Variants in CYP2C18 observed in about 807,000 individuals in gnomAD.
CYP2C18 encodes the protein cytochrome P450 family 2 subfamily C member 18, also known as cytochrome P450 2C18.
A neutral mutation model predicts 41.3 loss-of-function variants in CYP2C18; 38 were observed. The ratio of observed to expected loss-of-function variants is 0.92; its 90% CI spans 0.71 to 1.21. CYP2C18 has a LOEUF of 1.21. Ranked by LOEUF, CYP2C18 falls within the 50% of genes most tolerant of loss-of-function variation. The pLI, the probability that CYP2C18 is intolerant of heterozygous loss-of-function variation, is 0.00. For missense variants in CYP2C18, 635 were observed against 591.4 expected, an observed-to-expected ratio of 1.07 and a Z score of -0.77; for synonymous variants, 236 against 210.0, an observed-to-expected ratio of 1.12 and a Z score of -1.07.
chr10:94,707,629 A>G (rs17110219), intron 5 of CYP2C18, among the ~76,000 whole-genome samples: 4,855 of 152,270 alleles, frequency 0.032, 124 homozygotes, highest in Middle Eastern at 0.13. Flanking sequence ...GTGTAGAAGG[A>G]TATGTACAAT....
intron 8 of CYP2C18, chr10:94,733,698 A>G (rs1462978726): frequency 1.6e-6 from 1 of 607,010 alleles, no homozygotes. Context: ...CTCTAGATAC[A>G]TCACTGAGCT....
chr10:94,694,430 T>C (rs566657627), intron 3 of CYP2C18, among the ~76,000 whole-genome samples: 5 of 152,292 alleles, frequency 3.3e-5, no homozygotes, highest in African/African-American at 1.2e-4. Flanking sequence ...CCATACCCTT[T>C]CTGTCTTTAG....
chr10:94,688,228 T>C lies in CYP2C18; in HGVS notation c.435T>C (p.Val145=). ...GMGKRSIEDR[V]QEEARCLVEE... ...GGAAGAGGAGCATCGAGGACCGTGT[T>C]CAAGAGGAAGCCCGCTGCCTTGTGG... is the stretch of plus-strand genomic sequence containing the variant. Residue 145 remains valine (V), a synonymous_variant, in exon 3 of 9, where the codon GTT becomes GTC. Transcript: ENST00000285979. The C allele has an allele frequency of 6.2e-7, 1 of 1,613,558 alleles. No homozygotes were observed. Among genetic ancestry groups the C allele is most frequent in the Non-Finnish European group, 8.5e-7 (1 of 1,179,696 alleles).
At chr10:94,690,916 A>G (rs1481158042) in intron 3 of CYP2C18, among the ~76,000 whole-genome samples, 3 of 152,218 alleles carry the variant, frequency 2.0e-5, no homozygotes, top group Non-Finnish European at 4.4e-5. Flanking sequence ...AGAACCAAAG[A>G]CAAAAACCAC....
At chr10:94,724,616 A>T in intron 7 of CYP2C18, 83 bp downstream of exon 7, 1 of 1,279,210 alleles carries the variant, frequency 7.8e-7, no homozygotes, top group Non-Finnish European at 1.1e-6. Context: ...CTAACAACAC[A>T]TGATGAGAGA....
chr10:94,712,352 C>T (rs972082234), intron 5 of CYP2C18, among the ~76,000 whole-genome samples: 7 of 152,020 alleles, frequency 4.6e-5, no homozygotes, highest in East Asian at 1.9e-4. Context: ...CCTTTCCCCC[C>T]GCCCCCAAGC....
Position 94,735,501 on chromosome 10 carries a change from G to A in CYP2C18, c.*57G>A. The A allele has an allele frequency of 1.9e-6, 3 of 1,552,686 alleles. No homozygotes were observed. Among genetic ancestry groups the A allele is most frequent in the East Asian group, 2.3e-5 (1 of 44,438 alleles). On this transcript the variant is annotated 3_prime_UTR_variant, in exon 9 of 9. Transcript: ENST00000285979. The stretch of plus-strand genomic sequence containing the variant: ...TGTCACCTGCAATTCTCCCTTATCA[G>A]GGCCATTGGCCTCTCCCTTCTCTCT...
intron 5 of CYP2C18, among the ~76,000 whole-genome samples, 185 bp from the exon 6 acceptor site, chr10:94,720,211 T>A (rs1847624417): frequency 6.6e-6 from 1 of 152,162 alleles, no homozygotes; most frequent in Non-Finnish European, 1.5e-5. Flanking sequence ...AATGGATAAG[T>A]AGGAATGGGA....
At chr10:94,697,004 T>C (rs1589795044) in intron 4 of CYP2C18, among the ~76,000 whole-genome samples, 1 of 152,334 alleles carries the variant, frequency 6.6e-6, no homozygotes, top group Middle Eastern at 3.4e-3. Flanking sequence ...CTATGTCTGA[T>C]TGGTGTACCT....
chr10:94,687,823 T>C lies in CYP2C18; in HGVS notation c.222T>C (p.Ile74=), dbSNP rs375505433. Residue 74 remains isoleucine (I), a synonymous_variant, in exon 2 of 9, where the codon ATT becomes ATC. Coordinates refer to ENST00000285979, the MANE Select transcript of CYP2C18 (RefSeq NM_000772.3). ...VFTVYFGLKP[I]VVLHGYEAVK... is the part of the protein sequence containing the mutation. ...CTGTGTATTTTGGCCTGAAGCCCAT[T>C]GTGGTGTTGCATGGATATGAAGCAG... The C allele has an allele frequency of 3.7e-6, 6 of 1,613,674 alleles. No homozygotes were observed. The highest frequency in any genetic ancestry group is 5.1e-6 in the Non-Finnish European group (6 of 1,179,768).
At position 94,688,240 on chromosome 10, in the gene CYP2C18, C is replaced by CCGCT; in HGVS notation, c.448_451dup (p.Cys151SerfsTer16). 6.2e-7 allele frequency: 1 copy of CCGCT among 1,613,128 alleles called. No individual in the cohort carries two copies. The highest frequency in any genetic ancestry group is 8.5e-7 in the Non-Finnish European group (1 of 1,179,514). ...TCGAGGACCGTGTTCAAGAGGAAGC[C>CCGCT]CGCTGCCTTGTGGAGGAGTTGAGAA... On this transcript the variant is annotated frameshift_variant, in exon 3 of 9. Transcript: ENST00000285979. LOFTEE classifies it high-confidence loss of function.
chr10:94,707,099 A>G, intron 5 of CYP2C18, 139 bp downstream of exon 5: 4 of 533,070 alleles, frequency 7.5e-6, no homozygotes, highest in Non-Finnish European at 9.4e-6. Context: ...AGCACCATGG[A>G]GAATTTATAA....
chr10:94,723,785 T>C lies in CYP2C18; in HGVS notation c.962-561T>C, dbSNP rs551410864. Among the ~76,000 whole-genome samples the C allele has an allele frequency of 1.5e-4, 23 of 152,016 alleles. No individual in the cohort carries two copies. In the East Asian group the frequency reaches 4.1e-3, roughly 27 times the overall value. ...GGTTTTAGAAATTTTCAAAGATAAATTAAAAAATAAAAAGAGAGTCAGTAT... is the reference window on the plus strand; with the variant it reads ...GGTTTTAGAAATTTTCAAAGATAAACTAAAAAATAAAAAGAGAGTCAGTAT... On this transcript the variant is annotated intron_variant, in intron 6 of 8. Transcript: ENST00000285979.
intron 3 of CYP2C18, among the ~76,000 whole-genome samples, chr10:94,690,333 G>A (rs1246215066): frequency 6.6e-6 from 1 of 152,132 alleles, no homozygotes; most frequent in African/African-American, 2.4e-5. Context: ...CCCTGATATA[G>A]TTTGGATGTG....
chr10:94,692,677 A>G (rs1346900053), intron 3 of CYP2C18, among the ~76,000 whole-genome samples: 1 of 152,168 alleles, frequency 6.6e-6, no homozygotes, highest in East Asian at 1.9e-4. Flanking sequence ...CTGGGTATAT[A>G]CCCAAAGGAT....
intron 3 of CYP2C18, among the ~76,000 whole-genome samples, chr10:94,691,243 G>C (rs1846993384): frequency 6.6e-6 from 1 of 152,202 alleles, no homozygotes; most frequent in South Asian, 2.1e-4. Context: ...TTCGCTGTTT[G>C]CAGATAACAT....
intron 1 of CYP2C18, 49 bp from the exon 2 acceptor site, chr10:94,687,721 A>C (rs754936490): frequency 6.6e-7 from 1 of 1,523,118 alleles, no homozygotes; most frequent in Non-Finnish European, 9.0e-7. Context: ...CAATATATAG[A>C]CCAAATACTG....
At chr10:94,702,324 G>T (rs561252257) in intron 4 of CYP2C18, among the ~76,000 whole-genome samples, 3 of 152,094 alleles carry the variant, frequency 2.0e-5, no homozygotes, top group Non-Finnish European at 4.4e-5. Context: ...ATCCTGAAGC[G>T]TGTTTTCCAA....
chr10:94,706,704 A>T, intron 4 of CYP2C18, 80 bp from the exon 5 acceptor site: 2 of 767,756 alleles, frequency 2.6e-6, no homozygotes, highest in Non-Finnish European at 4.1e-6. Context: ...AATTCACTCC[A>T]GTTTTAAACC....
Sources: allele counts gnomAD v4.1 joint callset (sites outside exome capture counted in the v4.1 genomes callset), GRCh38; gene constraint gnomAD v4.1.1; transcripts MANE v1.5; gene names NCBI Gene and HGNC (gene_info 2026-07-23, HGNC 2026-07-21).